The following SLIT3 variants were observed in gnomAD, a reference collection of about 807,000 sequenced individuals.
The protein encoded by SLIT3 is slit guidance ligand 3.
Under a neutral mutation model 184.0 loss-of-function variants are expected in SLIT3, and 68 were observed. The observed-to-expected ratio is 0.37, with a 90% CI of 0.30 to 0.45. The LOEUF (loss-of-function observed/expected upper bound fraction) is 0.45. Ranked by LOEUF, SLIT3 falls within the 20% of genes least tolerant of loss-of-function variation. The pLI, the probability that SLIT3 is intolerant of heterozygous loss-of-function variation, is 1.00. For synonymous variants in SLIT3, 831 were observed against 828.6 expected (o/e 1.00, Z -0.05); for missense variants, 1,707 against 2,026.0 (o/e 0.84, Z 3.02).
intron 12 of SLIT3, among the ~76,000 whole-genome samples, chr5:168,776,031 C>T (rs557847394): frequency 6.6e-6 from 1 of 152,212 alleles, no homozygotes; most frequent in Non-Finnish European, 1.5e-5. Flanking sequence ...AATAAACTAA[C>T]CAGCAGAAAT....
chr5:168,685,636 G>A (rs1329463670), intron 31 of SLIT3, 51 bp downstream of exon 31: 2 of 1,504,564 alleles, frequency 1.3e-6, no homozygotes, highest in Non-Finnish European at 8.9e-7. Context: ...AACTATCAGA[G>A]CTTGTGGGCA....
intron 4 of SLIT3, among the ~76,000 whole-genome samples, chr5:168,926,341 C>T (rs1364861253): frequency 1.3e-5 from 2 of 152,176 alleles, no homozygotes; most frequent in East Asian, 3.8e-4. Context: ...GTATGAGGTC[C>T]TGAGAAGGGG....
At chr5:169,082,657 G>T (rs1759118771) in intron 4 of SLIT3, among the ~76,000 whole-genome samples, 1 of 152,212 alleles carries the variant, frequency 6.6e-6, no homozygotes, top group African/African-American at 2.4e-5. Flanking sequence ...AGAACCAAAA[G>T]ATTAAGAGTT....
intron 1 of SLIT3, among the ~76,000 whole-genome samples, chr5:169,276,102 G>A (rs1766794574): frequency 6.6e-6 from 1 of 152,082 alleles, no homozygotes; most frequent in South Asian, 2.1e-4. Context: ...AAGAAAGAGA[G>A]CAATTGAACG....
intron 16 of SLIT3, among the ~76,000 whole-genome samples, chr5:168,757,996 T>C (rs974098268): frequency 2.0e-4 from 31 of 152,216 alleles, no homozygotes; most frequent in Admixed American, 1.3e-4. Flanking sequence ...AGAACTCACA[T>C]AGGCTTGTCT....
intron 4 of SLIT3, among the ~76,000 whole-genome samples, chr5:168,908,098 C>T (rs141356532): frequency 1.3e-5 from 2 of 150,684 alleles, no homozygotes; most frequent in Admixed American, 6.6e-5. Flanking sequence ...TCATTTTATA[C>T]CCTTTTATAT....
chr5:169,260,437 G>A (rs151187375), intron 1 of SLIT3, among the ~76,000 whole-genome samples: 354 of 152,328 alleles, frequency 2.3e-3, no homozygotes, highest in African/African-American at 8.0e-3. Flanking sequence ...GGATCAGACC[G>A]AGGACGGGGT....
intron 2 of SLIT3, among the ~76,000 whole-genome samples, chr5:169,251,052 G>T (rs1765756960): frequency 6.6e-6 from 1 of 152,192 alleles, no homozygotes; most frequent in Non-Finnish European, 1.5e-5. Flanking sequence ...GGCTGGAGAA[G>T]AAATTATCAT....
At chr5:169,163,702 T>C (rs149675571) in intron 4 of SLIT3, among the ~76,000 whole-genome samples, 1 of 152,182 alleles carries the variant, frequency 6.6e-6, no homozygotes, top group East Asian at 1.9e-4. Flanking sequence ...TCAGCCCAGA[T>C]AAAATCTGGA....
chr5:169,187,364 G>A (rs297889), intron 4 of SLIT3, among the ~76,000 whole-genome samples: 14,358 of 151,684 alleles, frequency 0.095, 2,169 homozygotes, highest in African/African-American at 0.32. Context: ...GCCCACCTTG[G>A]CCTTCCAAAG....
intron 6 of SLIT3, among the ~76,000 whole-genome samples, chr5:168,840,710 T>C (rs568874355): frequency 1.3e-5 from 2 of 152,334 alleles, no homozygotes; most frequent in African/African-American, 4.8e-5. Context: ...AGGGCAATGA[T>C]TTGAGTAACA....
chr5:168,840,540 C>T (rs879357095), intron 6 of SLIT3, among the ~76,000 whole-genome samples: 1 of 151,444 alleles, frequency 6.6e-6, no homozygotes, highest in Non-Finnish European at 1.5e-5. Context: ...CTGGTATGGG[C>T]TAGAAACCCA....
intron 29 of SLIT3, among the ~76,000 whole-genome samples, chr5:168,692,273 A>C (rs1223635655): frequency 6.6e-6 from 1 of 152,184 alleles, no homozygotes; most frequent in Non-Finnish European, 1.5e-5. Context: ...TCTAGAAAGG[A>C]GGGATATGCT....
intron 1 of SLIT3, among the ~76,000 whole-genome samples, chr5:169,266,704 T>C (rs1378484537): frequency 6.6e-6 from 1 of 152,238 alleles, no homozygotes; most frequent in Non-Finnish European, 1.5e-5. Context: ...TATTTGTTGC[T>C]GCAGCTTAGC....
chr5:168,730,370 C>T (rs1763257730), intron 20 of SLIT3, among the ~76,000 whole-genome samples: 1 of 151,916 alleles, frequency 6.6e-6, no homozygotes, highest in Non-Finnish European at 1.5e-5. Flanking sequence ...GACTTTAGGC[C>T]AAATGGACTT....
At chr5:169,113,349 A>G (rs1045585968) in intron 4 of SLIT3, among the ~76,000 whole-genome samples, 1 of 152,036 alleles carries the variant, frequency 6.6e-6, no homozygotes, top group Non-Finnish European at 1.5e-5. Flanking sequence ...AGCTTATTTC[A>G]CTCAGCATAA....
intron 4 of SLIT3, among the ~76,000 whole-genome samples, chr5:169,059,671 TA>T (rs906001429): frequency 6.6e-6 from 1 of 152,192 alleles, no homozygotes; most frequent in African/African-American, 2.4e-5. Context: ...ATTTCACCTT[TA>T]AAAACTAAAT....
chr5:169,173,640 C>T (rs187835001), intron 4 of SLIT3, among the ~76,000 whole-genome samples: 158 of 152,328 alleles, frequency 1.0e-3, no homozygotes, highest in African/African-American at 3.7e-3. Flanking sequence ...GTATTAAATG[C>T]TCCTCTGTAG....
intron 22 of SLIT3, 40 bp downstream of exon 22, chr5:168,722,893 G>T: frequency 6.8e-7 from 1 of 1,479,234 alleles, no homozygotes; most frequent in Non-Finnish European, 9.5e-7. Context: ...CTACTGCTAG[G>T]CCCAAGGGCA....
Sources: gnomAD v4.1 joint callset for allele counts (sites outside exome capture counted in the v4.1 genomes callset) on GRCh38, gnomAD v4.1.1 for gene constraint, MANE v1.5 for transcripts, NCBI Gene and HGNC (gene_info 2026-07-23, HGNC 2026-07-21) for gene names.